FUT8: variants seen among roughly 807,000 people sequenced by gnomAD.
The protein encoded by FUT8 is fucosyltransferase 8.
Under a neutral mutation model 71.3 loss-of-function variants are expected in FUT8, and 29 were observed. The ratio of observed to expected loss-of-function variants is 0.41; its 90% CI spans 0.30 to 0.55. The LOEUF (loss-of-function observed/expected upper bound fraction) is 0.55. Ranked by LOEUF, FUT8 falls within the 20% of genes least tolerant of loss-of-function variation. The pLI, the probability that FUT8 is intolerant of heterozygous loss-of-function variation, is 0.34. For synonymous variants in FUT8, 254 were observed against 239.3 expected (o/e 1.06, Z -0.57); for missense variants, 544 against 702.1 (o/e 0.77, Z 2.55).
Position 65,677,154 on chromosome 14 carries a change from GCGCGCGCA to G in FUT8, c.835+7675_835+7682del, listed in dbSNP as rs1383462223. Among the ~76,000 whole-genome samples the G allele has an allele frequency of 4.1e-3, 444 of 109,330 alleles. 3 individuals carry two copies. Among genetic ancestry groups the G allele is most frequent in the Non-Finnish European group, 5.2e-3 (287 of 55,568 alleles). The allele number at this position is 109,330 out of a possible 152,430, so 71.7% of individuals were successfully genotyped here. Reference sequence around the variant, plus strand: ...TGTGTGTGTGTGTGTGTGTGTGTGCGCGCGCGCATGCGCGCGCACGTATGTGTGTGCGC... The same window carrying G: ...TGTGTGTGTGTGTGTGTGTGTGTGCGTGCGCGCGCACGTATGTGTGTGCGC... On this transcript the variant is annotated intron_variant, in intron 7 of 10. Transcript: ENST00000673929.
chr14:65,534,933 A>C (rs984488667), intron 2 of FUT8, among the ~76,000 whole-genome samples: 1 of 151,226 alleles, frequency 6.6e-6, no homozygotes, highest in Non-Finnish European at 1.5e-5. Flanking sequence ...CCTTCAGTTC[A>C]GCTCTGATTT....
intron 3 of FUT8, among the ~76,000 whole-genome samples, chr14:65,605,988 A>C (rs1888563505): frequency 6.6e-6 from 1 of 151,714 alleles, no homozygotes; most frequent in South Asian, 2.1e-4. Context: ...AAATCTATAT[A>C]ATAATCCTAC....
intron 1 of FUT8, among the ~76,000 whole-genome samples, chr14:65,439,952 G>GTACATA (rs1425130774): frequency 4.7e-4 from 18 of 38,222 alleles, no homozygotes; most frequent in South Asian, 4.3e-3. Flanking sequence ...GTGTGTGTGT[G>GTACATA]TGTATATATA....
intron 7 of FUT8, among the ~76,000 whole-genome samples, chr14:65,716,116 A>C (rs183664496): frequency 2.6e-5 from 4 of 152,308 alleles, no homozygotes; most frequent in Non-Finnish European, 5.9e-5. Flanking sequence ...CATTGGATGA[A>C]ATGTTCTATA....
intron 9 of FUT8, among the ~76,000 whole-genome samples, chr14:65,732,135 A>G (rs1896011607): frequency 1.3e-5 from 2 of 152,238 alleles, no homozygotes; most frequent in Admixed American, 1.3e-4. Flanking sequence ...TGAAGAAGGC[A>G]AACTGTCAAA....
chr14:65,639,105 A>G (rs73268536), intron 6 of FUT8, among the ~76,000 whole-genome samples: 2,257 of 152,272 alleles, frequency 0.015, 59 homozygotes, highest in African/African-American at 0.051. Flanking sequence ...AGATAAAAAA[A>G]AAAATGAACA....
intron 3 of FUT8, among the ~76,000 whole-genome samples, chr14:65,567,483 G>C (rs1156502399): frequency 1.3e-5 from 2 of 151,904 alleles, no homozygotes; most frequent in African/African-American, 4.8e-5. Flanking sequence ...CTTTGTTCTA[G>C]TTGGTTGGTT....
chr14:65,663,465 C>G (rs1346839751), intron 6 of FUT8, among the ~76,000 whole-genome samples: 2 of 151,538 alleles, frequency 1.3e-5, no homozygotes, highest in African/African-American at 4.8e-5. Flanking sequence ...CTGCCTTTTT[C>G]TGGAACTTTT....
chr14:65,543,836 T>C (rs1425119575), intron 2 of FUT8, among the ~76,000 whole-genome samples: 1 of 152,156 alleles, frequency 6.6e-6, no homozygotes, highest in Admixed American at 6.5e-5. Flanking sequence ...CTTTTGCACA[T>C]AATTGCATAT....
intron 2 of FUT8, among the ~76,000 whole-genome samples, chr14:65,503,271 G>A (rs1040895500): frequency 1.3e-5 from 2 of 152,196 alleles, no homozygotes; most frequent in Admixed American, 1.3e-4. Context: ...GGGAAACTGA[G>A]TAATGGAGGA....
At chr14:65,723,677 T>G (rs1895542100) in intron 8 of FUT8, among the ~76,000 whole-genome samples, 1 of 152,186 alleles carries the variant, frequency 6.6e-6, no homozygotes, top group Admixed American at 6.5e-5. Context: ...GCAGTTATGG[T>G]GACTCTCCAG....
intron 1 of FUT8, among the ~76,000 whole-genome samples, chr14:65,435,752 A>T (rs954194306): frequency 6.7e-6 from 1 of 149,730 alleles, no homozygotes; most frequent in Non-Finnish European, 1.5e-5. Flanking sequence ...CAGTTGCTCT[A>T]CATCCTTACT....
the FUT8 span, among the ~76,000 whole-genome samples, chr14:65,377,639 G>C: frequency 1.3e-5 from 2 of 152,180 alleles, no homozygotes; most frequent in Non-Finnish European, 2.9e-5. Context: ...CTAATTCCTT[G>C]GTTTAAGTAG....
chr14:65,589,096 A>C (rs1293408987), intron 3 of FUT8, among the ~76,000 whole-genome samples: 2 of 152,198 alleles, frequency 1.3e-5, no homozygotes, highest in Non-Finnish European at 2.9e-5. Flanking sequence ...GTGTTACACA[A>C]AAGACAGACA....
chr14:65,681,466 T>C (rs1893033503), intron 7 of FUT8, among the ~76,000 whole-genome samples: 1 of 152,228 alleles, frequency 6.6e-6, no homozygotes, highest in African/African-American at 2.4e-5. Context: ...TTTATTATGG[T>C]GGAACTTTGC....
intron 6 of FUT8, among the ~76,000 whole-genome samples, chr14:65,634,575 A>AG (rs1351193036): frequency 3.5e-4 from 53 of 151,376 alleles, no homozygotes; most frequent in South Asian, 1.7e-3. Flanking sequence ...AAAAAAAAAA[A>AG]AAAAAAGAAA....
intron 2 of FUT8, chr14:65,529,079 C>T (rs56821971): frequency 0.013 from 2,117 of 163,280 alleles, 42 homozygotes; most frequent in East Asian, 0.092. Flanking sequence ...CAATTTTCCT[C>T]TCATATGACA....
chr14:65,665,863 A>C (rs1158310665), intron 6 of FUT8, among the ~76,000 whole-genome samples: 1 of 152,198 alleles, frequency 6.6e-6, no homozygotes, highest in African/African-American at 2.4e-5. Flanking sequence ...GTTCTCACTT[A>C]TAAGTGGGAG....
chr14:65,621,062 C>T (rs1196908485), intron 5 of FUT8, among the ~76,000 whole-genome samples: 1 of 152,120 alleles, frequency 6.6e-6, no homozygotes, highest in African/African-American at 2.4e-5. Flanking sequence ...AGTTCTAATT[C>T]TGTTTTGCTT....
Sources: gnomAD v4.1 joint callset for allele counts (sites outside exome capture counted in the v4.1 genomes callset) on GRCh38, gnomAD v4.1.1 for gene constraint, MANE v1.5 for transcripts, NCBI Gene and HGNC (gene_info 2026-07-23, HGNC 2026-07-21) for gene names.